HDAC9: variants seen among roughly 807,000 people sequenced by gnomAD.
HDAC9 encodes MEF-2 interacting transcription repressor (MITR) protein.
A neutral mutation model predicts 139.4 loss-of-function variants in HDAC9; 41 were observed. The observed-to-expected ratio is 0.29, with a 90% CI of 0.23 to 0.38. The LOEUF (loss-of-function observed/expected upper bound fraction) is 0.38, where lower values mean the gene tolerates loss of function less well. Among genes scored for constraint, HDAC9 ranks in the 10% least tolerant of loss-of-function variants. HDAC9 has a pLI of 1.00. For missense variants in HDAC9, 1,147 were observed against 1,297.0 expected (o/e 0.88, Z 1.78); for synonymous variants, 517 against 476.2 (o/e 1.09, Z -1.12).
intron 2 of HDAC9, chr7:18,505,779 CATT>C (rs1384509454): frequency 6.6e-6 from 1 of 152,180 alleles, no homozygotes; most frequent in Non-Finnish European, 1.5e-5. Context: ...ATTGTAAAAG[CATT>C]ATTGATTATC....
At chr7:18,203,135 A>G (rs1791261150) in intron 2 of HDAC9, among the ~76,000 whole-genome samples, 1 of 152,192 alleles carries the variant, frequency 6.6e-6, no homozygotes, top group Non-Finnish European at 1.5e-5. Context: ...TTTAGGAAAA[A>G]TAGACTAAAA....
At position 18,495,911 on chromosome 7, in the gene HDAC9, C is replaced by G. The variant is rs1796816906; in HGVS notation, c.-154C>G. 31 of 1,203,386 alleles carry G rather than the reference C, an allele frequency of 2.6e-5. No individual in the cohort carries two copies. Among genetic ancestry groups the G allele is most frequent in the Admixed American group, 4.3e-5 (1 of 23,524 alleles). 74.5% of individuals were successfully genotyped at this position (1,203,386 alleles called of 1,614,324 possible). A position where few individuals can be genotyped will look rare whatever the true frequency, so the allele number is the denominator to read the frequency against. Reference sequence around the variant, plus strand: ...CTTAATAATTTTCTACGTATTCTGACAAAGAAATAACCCCGAAGCACGTTC... The same window carrying G: ...CTTAATAATTTTCTACGTATTCTGAGAAAGAAATAACCCCGAAGCACGTTC... On this transcript the variant is annotated 5_prime_UTR_variant, in exon 1 of 26. Coordinates refer to ENST00000686413, the MANE Select transcript of HDAC9 (RefSeq NM_178425.4).
chr7:18,752,501 A>T, intron 14 of HDAC9, among the ~76,000 whole-genome samples: 1 of 152,120 alleles, frequency 6.6e-6, no homozygotes, highest in East Asian at 1.9e-4. Context: ...GGGCTATCAG[A>T]AGTTAAACTT....
intron 17 of HDAC9, among the ~76,000 whole-genome samples, chr7:18,819,734 G>A (rs1379118861): frequency 6.6e-6 from 1 of 152,120 alleles, no homozygotes; most frequent in African/African-American, 2.4e-5. Context: ...GTCACTTTTG[G>A]TGACATTAAA....
At chr7:18,797,777 C>T (rs956654041) in intron 17 of HDAC9, among the ~76,000 whole-genome samples, 10 of 151,518 alleles carry the variant, frequency 6.6e-5, no homozygotes, top group South Asian at 2.1e-4. Flanking sequence ...TACAGTGAGC[C>T]GAGATTGCAC....
chr7:18,542,021 C>A (rs1813146246), intron 2 of HDAC9, among the ~76,000 whole-genome samples: 1 of 152,112 alleles, frequency 6.6e-6, no homozygotes, highest in South Asian at 2.1e-4. Flanking sequence ...CTTCCCATTG[C>A]AGGATGTTTA....
At chr7:18,901,746 C>A (rs1225661341) in intron 22 of HDAC9, among the ~76,000 whole-genome samples, 3 of 151,998 alleles carry the variant, frequency 2.0e-5, no homozygotes, top group Non-Finnish European at 4.4e-5. Context: ...CATAACTTAT[C>A]TTATTTAATC....
At chr7:18,833,571 C>A (rs150183814) in intron 19 of HDAC9, among the ~76,000 whole-genome samples, 3 of 152,178 alleles carry the variant, frequency 2.0e-5, no homozygotes, top group Non-Finnish European at 4.4e-5. Flanking sequence ...AATTGTTTCA[C>A]CCTTGTTTAC....
intron 2 of HDAC9, among the ~76,000 whole-genome samples, chr7:18,568,020 G>GTATGTGTGTATATATATA (rs1822965523): frequency 2.0e-5 from 1 of 48,848 alleles, no homozygotes; most frequent in African/African-American, 1.2e-4. Context: ...CAGGATATAT[G>GTATGTGTGTATATATATA]TATATGTATA....
At chr7:18,730,960 C>T (rs1056086271) in intron 13 of HDAC9, among the ~76,000 whole-genome samples, 42 of 152,112 alleles carry the variant, frequency 2.8e-4, no homozygotes, top group African/African-American at 1.0e-3. Flanking sequence ...GGTGACACTG[C>T]CACAGTCAAC....
At chr7:18,162,303 C>G in exon 2 of HDAC9, 3 of 1,534,934 alleles carry the variant, frequency 2.0e-6, no homozygotes, top group Non-Finnish European at 1.7e-6. Context: ...GCATCCTAGT[C>G]TTAGCAGTCC....
intron 1 of HDAC9, among the ~76,000 whole-genome samples, chr7:18,364,251 C>G (rs778166219): frequency 6.6e-6 from 1 of 152,034 alleles, no homozygotes; most frequent in Non-Finnish European, 1.5e-5. Context: ...TCTGGCTGTG[C>G]AGTGTTAGTA....
At chr7:18,349,049 A>C (rs1236934206) in intron 1 of HDAC9, among the ~76,000 whole-genome samples, 1 of 152,094 alleles carries the variant, frequency 6.6e-6, no homozygotes. Flanking sequence ...CCATAACTTT[A>C]ATACAGTCAT....
chr7:18,303,527 T>G (rs601454), intron 1 of HDAC9, among the ~76,000 whole-genome samples: 52,412 of 151,764 alleles, frequency 0.35, 10,514 homozygotes, highest in African/African-American at 0.56. Flanking sequence ...GATTAAAGGC[T>G]TGAACCACCG....
intron 2 of HDAC9, among the ~76,000 whole-genome samples, chr7:18,250,915 G>A (rs1357609509): frequency 6.6e-6 from 1 of 152,014 alleles, no homozygotes; most frequent in Non-Finnish European, 1.5e-5. Context: ...GCACATGTAT[G>A]TCTTCTTTTG....
chr7:18,500,510 G>A (rs931700891), intron 2 of HDAC9, among the ~76,000 whole-genome samples: 2 of 152,128 alleles, frequency 1.3e-5, no homozygotes, highest in Non-Finnish European at 2.9e-5. Context: ...TGTCTCCTGG[G>A]CTGTCTTAGA....
At chr7:18,521,093 C>T (rs551534941) in intron 2 of HDAC9, among the ~76,000 whole-genome samples, 2 of 152,196 alleles carry the variant, frequency 1.3e-5, no homozygotes, top group South Asian at 4.1e-4. Context: ...ATGCAGAAAA[C>T]CTTTCTTTTT....
intron 2 of HDAC9, among the ~76,000 whole-genome samples, chr7:18,574,401 G>T (rs759066900): frequency 1.3e-5 from 2 of 152,238 alleles, no homozygotes; most frequent in African/African-American, 2.4e-5. Flanking sequence ...CTTCAGAGGA[G>T]GGGAAGTATG....
rs1221349299 is a variant in HDAC9 at position 18,666,348 on chromosome 7, A to T, written c.1603A>T (p.Ser535Cys). ...TGGCAACAGCACTAGGAGCGACAGCAGTGCTTGTGTGGATGACACACTGGG... is the reference window on the plus strand; with the variant it reads ...TGGCAACAGCACTAGGAGCGACAGCTGTGCTTGTGTGGATGACACACTGGG... ...SSGNSTRSDS[S>C]ACVDDTLGQV... Residue 535 changes from serine to cysteine, a missense_variant, in exon 12 of 26, where the codon AGT becomes TGT. Ser to Cys is a moderately radical substitution (Grantham distance 112). Coordinates refer to ENST00000686413, the MANE Select transcript of HDAC9 (RefSeq NM_178425.4). The T allele has an allele frequency of 6.2e-7, 1 of 1,613,422 alleles. No homozygotes were observed. The highest frequency in any genetic ancestry group is 2.2e-5 in the East Asian group (1 of 44,734).
Sources: gnomAD v4.1 joint callset for allele counts (sites outside exome capture counted in the v4.1 genomes callset) on GRCh38, gnomAD v4.1.1 for gene constraint, MANE v1.5 for transcripts, NCBI Gene and HGNC (gene_info 2026-07-23, HGNC 2026-07-21) for gene names.